The following PLAAT3 variants were observed in gnomAD, a reference collection of about 807,000 sequenced individuals.
PLAAT3 encodes the protein phospholipase A and acyltransferase 3, also known as Ca-independent phospholipase A1/2.
A neutral mutation model predicts 16.7 loss-of-function variants in PLAAT3; 21 were observed. That is an observed-to-expected ratio of 1.26 (90% CI 0.89 to 1.81). The LOEUF (loss-of-function observed/expected upper bound fraction) is 1.81, where lower values mean the gene tolerates loss of function less well. Among genes scored for constraint, PLAAT3 ranks in the 40% most tolerant of loss-of-function variants. The pLI is 0.00. For synonymous variants in PLAAT3, 76 were observed against 81.7 expected (o/e 0.93, Z 0.38); for missense variants, 219 against 213.7 (o/e 1.02, Z -0.16).
At chr11:63,613,760 C>T (rs1159908811) in intron 2 of PLAAT3, among the ~76,000 whole-genome samples, 7 of 152,236 alleles carry the variant, frequency 4.6e-5, no homozygotes, top group African/African-American at 1.4e-4. Context: ...TCCCGCCTTC[C>T]GCTGGGCGCG....
At chr11:63,588,284 G>C (rs577366624) in intron 4 of PLAAT3, among the ~76,000 whole-genome samples, 3 of 152,130 alleles carry the variant, frequency 2.0e-5, no homozygotes, top group African/African-American at 7.2e-5. Context: ...TGGCCAGGCT[G>C]GTCTCAAACT....
intron 4 of PLAAT3, among the ~76,000 whole-genome samples, chr11:63,576,491 C>G (rs1055305917): frequency 6.6e-6 from 1 of 152,084 alleles, no homozygotes; most frequent in Non-Finnish European, 1.5e-5. Flanking sequence ...CCTGGTGACA[C>G]GTGCCTATAG....
At chr11:63,584,665 G>T (rs1003572421) in intron 4 of PLAAT3, among the ~76,000 whole-genome samples, 1 of 151,682 alleles carries the variant, frequency 6.6e-6, no homozygotes, top group Non-Finnish European at 1.5e-5. Context: ...AGGCCACCAC[G>T]CCCAGCTAAT....
At chr11:63,600,879 C>G (rs1054417371) in intron 2 of PLAAT3, among the ~76,000 whole-genome samples, 1 of 152,102 alleles carries the variant, frequency 6.6e-6, no homozygotes, top group African/African-American at 2.4e-5. Context: ...TCTGGGATTA[C>G]AGGCGTGAGC....
At chr11:63,613,122 C>A (rs1332437073) in intron 2 of PLAAT3, among the ~76,000 whole-genome samples, 5 of 152,126 alleles carry the variant, frequency 3.3e-5, no homozygotes, top group African/African-American at 1.2e-4. Flanking sequence ...ATATAATCTT[C>A]ACTCTGCGGC....
At chr11:63,596,239 A>G (rs1938286129) in intron 3 of PLAAT3, among the ~76,000 whole-genome samples, 1 of 26,524 alleles carries the variant, frequency 3.8e-5, no homozygotes, top group Non-Finnish European at 8.9e-5. Context: ...GACTCTGTCA[A>G]AAAAAAAAAA....
chr11:63,597,505 G>A (rs1396643358), intron 3 of PLAAT3, among the ~76,000 whole-genome samples: 1 of 152,142 alleles, frequency 6.6e-6, no homozygotes, highest in Non-Finnish European at 1.5e-5. Flanking sequence ...CAGCCTGAGT[G>A]ACAGAGCAAG....
intron 4 of PLAAT3, among the ~76,000 whole-genome samples, chr11:63,579,622 G>C (rs534315608): frequency 1.3e-5 from 2 of 149,072 alleles, no homozygotes; most frequent in African/African-American, 4.9e-5. Context: ...CTATCACAAG[G>C]ACAAAAACCA....
At chr11:63,614,875 C>T (rs1331461079), upstream of PLAAT3, among the ~76,000 whole-genome samples, 3 of 150,352 alleles carry the variant, frequency 2.0e-5, no homozygotes, top group Non-Finnish European at 1.5e-5. Flanking sequence ...ATTAGCCGGG[C>T]GTGGAGGCAT....
rs1460242236 is a variant in PLAAT3, at chr11:63,598,068, G to T, written c.111C>A (p.Ala37=). 6.2e-7 allele frequency: 1 copy of T among 1,609,260 alleles called. No homozygotes were observed. Among genetic ancestry groups the T allele is most frequent in the Non-Finnish European group, 8.5e-7 (1 of 1,175,654 alleles). Reference sequence around the variant, plus strand: ...GGTCCCATGTGTTCTTACTTGGAGGGGCCAGATGAACCACATATCCATCGC... The same window carrying T: ...GGTCCCATGTGTTCTTACTTGGAGGTGCCAGATGAACCACATATCCATCGC... ...YVGDGYVVHL[A]PPSEVAGAGA... is the part of the protein sequence containing the mutation. The change falls in exon 3 of 5, where the codon GCC becomes GCA. Residue 37 remains alanine, a synonymous_variant. Transcript: ENST00000415826.
chr11:63,582,617 C>T (rs1937851460), intron 4 of PLAAT3, among the ~76,000 whole-genome samples: 1 of 152,240 alleles, frequency 6.6e-6, no homozygotes, highest in Admixed American at 6.5e-5. Flanking sequence ...CACCACGACA[C>T]TCAGCTGTGA....
At chr11:63,604,701 T>C (rs1191330726) in intron 2 of PLAAT3, among the ~76,000 whole-genome samples, 3 of 151,890 alleles carry the variant, frequency 2.0e-5, no homozygotes, top group Non-Finnish European at 4.4e-5. Context: ...AAGTGGAGCT[T>C]GCAGTGAGCC....
intron 4 of PLAAT3, among the ~76,000 whole-genome samples, chr11:63,585,333 T>C (rs1251047046): frequency 6.6e-6 from 1 of 152,192 alleles, no homozygotes; most frequent in Non-Finnish European, 1.5e-5. Context: ...AGAAGTTCTA[T>C]GTTAATTTGA....
At chr11:63,606,276 C>T (rs1006492261) in intron 2 of PLAAT3, among the ~76,000 whole-genome samples, 3 of 152,042 alleles carry the variant, frequency 2.0e-5, no homozygotes, top group African/African-American at 7.2e-5. Flanking sequence ...TAACAGGAGA[C>T]AAAAGGTTTT....
At chr11:63,596,645 T>C (rs1414111753) in intron 3 of PLAAT3, among the ~76,000 whole-genome samples, 3 of 151,658 alleles carry the variant, frequency 2.0e-5, no homozygotes, top group Non-Finnish European at 4.4e-5. Context: ...TAAGGAGTGA[T>C]ATGGTTTGGC....
At chr11:63,580,790 C>T (rs1159977966) in intron 4 of PLAAT3, among the ~76,000 whole-genome samples, 1 of 152,194 alleles carries the variant, frequency 6.6e-6, no homozygotes, top group Non-Finnish European at 1.5e-5. Context: ...CTCAACCAGC[C>T]ATTGCTCTAG....
chr11:63,590,445 G>T (rs894085455), intron 3 of PLAAT3, 77 bp from the exon 4 acceptor site: 2 of 1,368,772 alleles, frequency 1.5e-6, no homozygotes, highest in African/African-American at 2.8e-5. Flanking sequence ...CCCCCAGCCG[G>T]GCATCTGCCC....
chr11:63,590,377 C>A lies in PLAAT3; in HGVS notation c.119-9G>T. The A allele has an allele frequency of 1.2e-6, 2 of 1,613,042 alleles. No individual in the cohort carries two copies. The highest frequency in any genetic ancestry group is 1.7e-6 in the Non-Finnish European group (2 of 1,179,560). The stretch of plus-strand genomic sequence containing the variant: ...AGCTCCTGCGACCTCACCTGCAGAT[C>A]CACAAAGAGGAAACAGAGGGATTGG... On this transcript the variant is annotated splice_polypyrimidine_tract_variant and intron_variant, in intron 3 of 4. Transcript: ENST00000415826.
intron 4 of PLAAT3, among the ~76,000 whole-genome samples, chr11:63,579,639 G>T (rs1045899251): frequency 1.4e-5 from 2 of 145,870 alleles, no homozygotes; most frequent in African/African-American, 2.5e-5. Context: ...ACCAAACATC[G>T]CATGTTCTCA....
Sources: gnomAD v4.1 joint callset for allele counts (sites outside exome capture counted in the v4.1 genomes callset) on GRCh38, gnomAD v4.1.1 for gene constraint, MANE v1.5 for transcripts, NCBI Gene and HGNC (gene_info 2026-07-23, HGNC 2026-07-21) for gene names.